Variants in GPR39 observed in about 807,000 individuals in gnomAD.
The protein encoded by GPR39 is zinc sensing receptor.
In GPR39, 23 loss-of-function variants were observed where a neutral mutation model predicts 18.4. That is an observed-to-expected ratio of 1.25 (90% confidence interval 0.90 to 1.77). The LOEUF is 1.77. Ranked by LOEUF, GPR39 falls within the 40% of genes most tolerant of loss-of-function variation. GPR39 has a pLI of 0.00. For missense variants in GPR39, 647 were observed against 602.4 expected, an observed-to-expected ratio of 1.07 and a Z score of -0.78; for synonymous variants, 280 against 257.9, an observed-to-expected ratio of 1.09 and a Z score of -0.82.
chr2:132,629,444 G>C (rs572342347), intron 1 of GPR39, among the ~76,000 whole-genome samples: 1 of 152,294 alleles, frequency 6.6e-6, no homozygotes, highest in Admixed American at 6.5e-5. Flanking sequence ...TATGTATCTA[G>C]GAATTCTAGA....
intron 1 of GPR39, among the ~76,000 whole-genome samples, chr2:132,515,655 C>A (rs781628178): frequency 6.6e-6 from 1 of 152,120 alleles, no homozygotes; most frequent in South Asian, 2.1e-4. Context: ...GACTAGAATT[C>A]CCCTCACCCT....
At chr2:132,443,253 A>G (rs1680472441) in intron 1 of GPR39, among the ~76,000 whole-genome samples, 1 of 152,228 alleles carries the variant, frequency 6.6e-6, no homozygotes, top group Non-Finnish European at 1.5e-5. Context: ...AAACAAATAT[A>G]TAATAACTTA....
intron 1 of GPR39, among the ~76,000 whole-genome samples, chr2:132,487,278 T>C (rs1475532294): frequency 2.6e-5 from 4 of 152,222 alleles, no homozygotes; most frequent in African/African-American, 7.2e-5. Context: ...TGGTTATTCT[T>C]ACTGTATTTC....
intron 1 of GPR39, among the ~76,000 whole-genome samples, chr2:132,605,724 C>T (rs1198963891): frequency 6.6e-6 from 1 of 152,104 alleles, no homozygotes; most frequent in African/African-American, 2.4e-5. Context: ...GCCTTGCTCC[C>T]CATTAAGAAT....
At chr2:132,510,468 GA>G (rs1679220152) in intron 1 of GPR39, among the ~76,000 whole-genome samples, 1 of 152,148 alleles carries the variant, frequency 6.6e-6, no homozygotes, top group African/African-American at 2.4e-5. Context: ...GAATCACTGG[GA>G]TAAAGTGTTG....
intron 1 of GPR39, among the ~76,000 whole-genome samples, chr2:132,509,749 G>A (rs533739777): frequency 6.6e-6 from 1 of 152,244 alleles, no homozygotes; most frequent in African/African-American, 2.4e-5. Context: ...TGTGCATGTG[G>A]TGCAGCAGGG....
chr2:132,553,400 A>G (rs1295510196), intron 1 of GPR39, among the ~76,000 whole-genome samples: 1 of 148,006 alleles, frequency 6.8e-6, no homozygotes, highest in Non-Finnish European at 1.5e-5. Flanking sequence ...GTGTATATAT[A>G]CGTATATATA....
intron 1 of GPR39, among the ~76,000 whole-genome samples, chr2:132,625,733 A>G (rs1274757295): frequency 2.6e-5 from 4 of 152,080 alleles, no homozygotes; most frequent in Non-Finnish European, 5.9e-5. Flanking sequence ...TCTGTTTTCT[A>G]TATGTCTGTG....
intron 1 of GPR39, 187 bp from the exon 2 acceptor site, chr2:132,644,914 A>T (rs1335135203): frequency 1.6e-6 from 1 of 626,736 alleles, no homozygotes; most frequent in Non-Finnish European, 2.7e-6. Context: ...GGTTTGAAAC[A>T]GTGTTAAATT....
chr2:132,473,212 T>C (rs1004230268), intron 1 of GPR39, among the ~76,000 whole-genome samples: 1 of 152,202 alleles, frequency 6.6e-6, no homozygotes, highest in Non-Finnish European at 1.5e-5. Context: ...AGCAAGGATT[T>C]CTCCTTTAGA....
intron 1 of GPR39, among the ~76,000 whole-genome samples, chr2:132,479,056 C>T (rs907804494): frequency 6.6e-6 from 1 of 152,040 alleles, no homozygotes; most frequent in African/African-American, 2.4e-5. Context: ...TCCCAGCACA[C>T]AAAAAGGACA....
chr2:132,559,842 TGA>T (rs1282544367), intron 1 of GPR39, among the ~76,000 whole-genome samples: 7 of 151,992 alleles, frequency 4.6e-5, no homozygotes, highest in East Asian at 1.9e-4. Flanking sequence ...GAATGAGACT[TGA>T]GAGAGTACAT....
intron 1 of GPR39, among the ~76,000 whole-genome samples, chr2:132,456,262 GT>G (rs1271929522): frequency 6.7e-6 from 1 of 149,296 alleles, no homozygotes; most frequent in Non-Finnish European, 1.5e-5. Flanking sequence ...ATCTTTGTTG[GT>G]TTAAAGTCTG....
chr2:132,643,733 G>T (rs1681918050), intron 1 of GPR39, among the ~76,000 whole-genome samples: 1 of 152,110 alleles, frequency 6.6e-6, no homozygotes, highest in Admixed American at 6.5e-5. Context: ...TTGCCTAGGT[G>T]GGTCTCAAAT....
intron 1 of GPR39, among the ~76,000 whole-genome samples, chr2:132,532,996 G>C (rs1172036526): frequency 6.6e-6 from 1 of 152,040 alleles, no homozygotes; most frequent in African/African-American, 2.4e-5. Context: ...TTCTGGCCAG[G>C]GCAATCAGGC....
chr2:132,621,043 C>A (rs752866406), intron 1 of GPR39, among the ~76,000 whole-genome samples: 1 of 152,186 alleles, frequency 6.6e-6, no homozygotes, highest in South Asian at 2.1e-4. Context: ...TGAGCCACTG[C>A]GCCTGGCCAC....
At chr2:132,579,710 T>A (rs1445719397) in intron 1 of GPR39, among the ~76,000 whole-genome samples, 1 of 151,944 alleles carries the variant, frequency 6.6e-6, no homozygotes, top group East Asian at 1.9e-4. Context: ...TTTCTTATAT[T>A]TTATTATATA....
intron 1 of GPR39, among the ~76,000 whole-genome samples, chr2:132,424,498 C>G (rs2104754663): frequency 6.6e-6 from 1 of 152,228 alleles, no homozygotes; most frequent in Middle Eastern, 3.4e-3. Flanking sequence ...AATTACTGAC[C>G]TCTTTAGCTG....
chr2:132,531,222 G>C (rs1225846203), intron 1 of GPR39, among the ~76,000 whole-genome samples: 1 of 152,130 alleles, frequency 6.6e-6, no homozygotes, highest in Non-Finnish European at 1.5e-5. Context: ...AGATAAAACA[G>C]ACTTTAAACC....
Sources: gnomAD v4.1 joint callset for allele counts (sites outside exome capture counted in the v4.1 genomes callset) on GRCh38, gnomAD v4.1.1 for gene constraint, MANE v1.5 for transcripts, NCBI Gene and HGNC (gene_info 2026-07-23, HGNC 2026-07-21) for gene names.